Variants in SLC35F1 observed in about 807,000 individuals in gnomAD.
The protein encoded by SLC35F1 is chromosome 6 open reading frame 169.
A neutral mutation model predicts 48.7 loss-of-function variants in SLC35F1; 14 were observed. The observed-to-expected ratio is 0.29, with a 90% CI of 0.19 to 0.45. SLC35F1 has a LOEUF of 0.45. Among genes scored for constraint, SLC35F1 ranks in the 20% least tolerant of loss-of-function variants. The pLI, the probability that SLC35F1 is intolerant of heterozygous loss-of-function variation, is 1.00. For missense variants in SLC35F1, 404 were observed against 500.0 expected, an observed-to-expected ratio of 0.81 and a Z score of 1.83; for synonymous variants, 190 against 202.2, an observed-to-expected ratio of 0.94 and a Z score of 0.51.
chr6:118,043,462 A>G (rs2114903824), intron 1 of SLC35F1, among the ~76,000 whole-genome samples: 1 of 152,128 alleles, frequency 6.6e-6, no homozygotes, highest in Non-Finnish European at 1.5e-5. Context: ...AGGGGAAGGC[A>G]TTTCATGGCA....
At chr6:118,154,302 G>A in intron 1 of SLC35F1, 143 bp from the exon 2 acceptor site, 1 of 652,260 alleles carries the variant, frequency 1.5e-6, no homozygotes, top group Admixed American at 3.5e-5. Context: ...TTCCTCGAGG[G>A]ATTGCTTTGA....
intron 1 of SLC35F1, among the ~76,000 whole-genome samples, chr6:118,149,470 C>T (rs756474174): frequency 2.0e-4 from 30 of 152,120 alleles, no homozygotes; most frequent in Non-Finnish European, 3.8e-4. Flanking sequence ...GTATAGTTAG[C>T]AGAGTGTCAA....
chr6:118,287,589 C>T (rs1776066310), intron 7 of SLC35F1, among the ~76,000 whole-genome samples: 1 of 152,184 alleles, frequency 6.6e-6, no homozygotes, highest in Non-Finnish European at 1.5e-5. Flanking sequence ...GCCACAGAGT[C>T]AATATCTGGA....
intron 3 of SLC35F1, among the ~76,000 whole-genome samples, chr6:118,246,104 G>A (rs1775504373): frequency 6.6e-6 from 1 of 152,152 alleles, no homozygotes. Flanking sequence ...AGAGAGAAGA[G>A]GCAACCTTTC....
intron 3 of SLC35F1, among the ~76,000 whole-genome samples, chr6:118,261,920 C>A (rs1028193896): frequency 2.6e-5 from 4 of 152,170 alleles, no homozygotes; most frequent in Non-Finnish European, 4.4e-5. Context: ...TAATCCCCAT[C>A]CCATGTTACT....
intron 1 of SLC35F1, among the ~76,000 whole-genome samples, chr6:117,992,301 T>C (rs1776929250): frequency 1.3e-5 from 2 of 152,150 alleles, no homozygotes; most frequent in South Asian, 4.1e-4. Flanking sequence ...GTTTGGGAAA[T>C]GAAAAAGGAT....
intron 1 of SLC35F1, among the ~76,000 whole-genome samples, chr6:118,131,605 A>C (rs1017479803): frequency 1.3e-5 from 2 of 152,180 alleles, no homozygotes; most frequent in African/African-American, 4.8e-5. Flanking sequence ...CTCAGTTTGC[A>C]CTGCCATCAG....
At chr6:117,960,599 T>C (rs1207236029) in intron 1 of SLC35F1, among the ~76,000 whole-genome samples, 1 of 152,066 alleles carries the variant, frequency 6.6e-6, no homozygotes, top group Non-Finnish European at 1.5e-5. Flanking sequence ...GTAGAGCTCA[T>C]GTAGAAAGGG....
chr6:118,048,945 G>A (rs1393668317), intron 1 of SLC35F1, among the ~76,000 whole-genome samples: 2 of 152,116 alleles, frequency 1.3e-5, no homozygotes, highest in Non-Finnish European at 2.9e-5. Flanking sequence ...GAGGCCTCAC[G>A]CTACCTGACT....
chr6:118,306,417 C>T (rs1175541933), intron 7 of SLC35F1, among the ~76,000 whole-genome samples: 10 of 152,208 alleles, frequency 6.6e-5, no homozygotes, highest in Non-Finnish European at 1.5e-4. Context: ...ACTACCACTT[C>T]TACAAACTCA....
At chr6:117,981,714 T>A (rs1776783766) in intron 1 of SLC35F1, among the ~76,000 whole-genome samples, 1 of 152,226 alleles carries the variant, frequency 6.6e-6, no homozygotes, top group Non-Finnish European at 1.5e-5. Context: ...TGTTTTATTT[T>A]TGGAGTTAAT....
Position 118,316,540 on chromosome 6 carries a change from CT to C in SLC35F1, c.*2291del, listed in dbSNP as rs1192171380. ...TTTATTTTAAGCCAGATGTTTTCAT[CT>C]TTGATTCATTTTTATGACATTAATT... is the stretch of plus-strand genomic sequence containing the variant. On this transcript the variant is annotated 3_prime_UTR_variant, in exon 8 of 8. Transcript: ENST00000360388. The C allele has an allele frequency of 6.6e-6, 1 of 152,520 alleles. No individual in the cohort carries two copies. Among genetic ancestry groups the C allele is most frequent in the African/African-American group, 2.4e-5 (1 of 41,400 alleles). 9.4% of individuals were successfully genotyped at this position (152,520 alleles called of 1,614,324 possible).
intron 1 of SLC35F1, among the ~76,000 whole-genome samples, chr6:118,104,573 G>T (rs1027513769): frequency 2.0e-5 from 3 of 152,084 alleles, no homozygotes; most frequent in Admixed American, 6.6e-5. Flanking sequence ...CTCAAGTTCA[G>T]CCACTACAGA....
At chr6:117,985,883 C>T (rs570073334) in intron 1 of SLC35F1, among the ~76,000 whole-genome samples, 154 of 152,200 alleles carry the variant, frequency 1.0e-3, no homozygotes, top group African/African-American at 3.7e-3. Context: ...ATATCGCTAA[C>T]GTGAATGAAA....
At chr6:118,248,795 T>G (rs1046687316) in intron 3 of SLC35F1, among the ~76,000 whole-genome samples, 29 of 152,206 alleles carry the variant, frequency 1.9e-4, no homozygotes, top group African/African-American at 6.8e-4. Context: ...GGAGACAATA[T>G]CTAAATCCTT....
chr6:117,965,123 T>G (rs144424142), intron 1 of SLC35F1, among the ~76,000 whole-genome samples: 19 of 152,262 alleles, frequency 1.2e-4, no homozygotes, highest in African/African-American at 4.1e-4. Flanking sequence ...AGAAAGGAAC[T>G]CAGATAAGAC....
At chr6:118,275,689 G>T in intron 5 of SLC35F1, 74 bp downstream of exon 5, 2 of 1,473,212 alleles carry the variant, frequency 1.4e-6, no homozygotes, top group South Asian at 1.3e-5. Context: ...TTGTTCTTGG[G>T]ATGTAAAAAT....
intron 1 of SLC35F1, among the ~76,000 whole-genome samples, chr6:117,922,660 T>C (rs79968687): frequency 2.9e-4 from 44 of 152,234 alleles, no homozygotes; most frequent in Admixed American, 1.3e-4. Flanking sequence ...GGAGCATTAC[T>C]TGAAGGCATC....
intron 1 of SLC35F1, among the ~76,000 whole-genome samples, chr6:118,027,273 G>A (rs1771973038): frequency 6.6e-6 from 1 of 152,104 alleles, no homozygotes; most frequent in African/African-American, 2.4e-5. Flanking sequence ...CCTTTGCATG[G>A]ACATATGTTT....
Sources: gnomAD v4.1 joint callset for allele counts (sites outside exome capture counted in the v4.1 genomes callset) on GRCh38, gnomAD v4.1.1 for gene constraint, MANE v1.5 for transcripts, NCBI Gene and HGNC (gene_info 2026-07-23, HGNC 2026-07-21) for gene names.